USPL1: variants seen among roughly 807,000 people sequenced by gnomAD.
The protein encoded by USPL1 is ubiquitin specific peptidase like 1.
USPL1 carries 27 observed loss-of-function variants against 51.5 expected under a neutral mutation model. That is an observed-to-expected ratio of 0.52 (90% confidence interval 0.39 to 0.72). The LOEUF is 0.72. USPL1 is among the 30% of genes least tolerant of loss of function. USPL1 has a pLI of 0.00. For missense variants in USPL1, 1,226 were observed against 1,268.0 expected, an observed-to-expected ratio of 0.97 and a Z score of 0.50; for synonymous variants, 451 against 459.6, an observed-to-expected ratio of 0.98 and a Z score of 0.24.
chr13:30,623,634 T>C (rs74043522), intron 3 of USPL1, among the ~76,000 whole-genome samples: 2,867 of 152,274 alleles, frequency 0.019, 96 homozygotes, highest in African/African-American at 0.066. Context: ...CCGGGGTTCA[T>C]ACTATTGTGG....
chr13:30,652,845 T>G (rs1354289284), intron 7 of USPL1, among the ~76,000 whole-genome samples: 2 of 152,246 alleles, frequency 1.3e-5, no homozygotes, highest in Admixed American at 1.3e-4. Context: ...ACAATGGGAC[T>G]TTTAAGACAA....
intron 6 of USPL1, among the ~76,000 whole-genome samples, chr13:30,646,074 T>A (rs1951013921): frequency 6.6e-6 from 1 of 152,234 alleles, no homozygotes; most frequent in South Asian, 2.1e-4. Flanking sequence ...TTTAAAATGT[T>A]AACCTCCCTG....
In USPL1 at chr13:30,659,516, A is replaced by G. The variant is rs1951227549; in HGVS notation, c.*160A>G. On this transcript the variant is annotated 3_prime_UTR_variant, in exon 9 of 9. Coordinates refer to ENST00000255304, the MANE Select transcript of USPL1 (RefSeq NM_005800.5). ...CTTTGGTTCTGCCCATGAAGCATGTAATCTTTCTTACACATTAAAATCACT... is the reference window on the plus strand; with the variant it reads ...CTTTGGTTCTGCCCATGAAGCATGTGATCTTTCTTACACATTAAAATCACT... 3.2e-6 allele frequency: 2 copies of G among 618,912 alleles called. No individual in the cohort carries two copies. The highest frequency in any genetic ancestry group is 1.9e-5 in the African/African-American group (1 of 53,752). 38.3% of individuals were successfully genotyped at this position (618,912 alleles called of 1,614,324 possible). A position where few individuals can be genotyped will look rare whatever the true frequency, so the allele number is the denominator to read the frequency against.
At position 30,659,269 on chromosome 13, in the gene USPL1, GT is replaced by G. The variant is rs748852730; in HGVS notation, c.3199del (p.Ser1067ProfsTer5). ...SPMKTDIFDE[F>X]FSSSALNALA... ...CGATGAAGACTGATATTTTCGATGA[GT>G]TTTTTTCCTCCTCAGCATTAAATGC... On this transcript the variant is annotated frameshift_variant, in exon 9 of 9. Transcript: ENST00000255304. LOFTEE classifies it high-confidence loss of function. The G allele has an allele frequency of 2.5e-6, 4 of 1,614,078 alleles. No homozygotes were observed. The highest frequency in any genetic ancestry group is 3.4e-6 in the Non-Finnish European group (4 of 1,180,008).
chr13:30,624,728 C>T (rs1376213656), intron 3 of USPL1, among the ~76,000 whole-genome samples: 1 of 152,212 alleles, frequency 6.6e-6, no homozygotes, highest in Non-Finnish European at 1.5e-5. Context: ...AAACCACACC[C>T]TTGCACAAAG....
intron 3 of USPL1, among the ~76,000 whole-genome samples, chr13:30,629,602 C>A (rs1040282485): frequency 6.6e-6 from 1 of 152,192 alleles, no homozygotes; most frequent in Non-Finnish European, 1.5e-5. Context: ...ACATGGCTGG[C>A]AGTTGGTACT....
chr13:30,630,698 C>T, intron 3 of USPL1, 137 bp from the exon 4 acceptor site: 1 of 968,718 alleles, frequency 1.0e-6, no homozygotes, highest in Non-Finnish European at 1.4e-6. Flanking sequence ...CTAATTTTTT[C>T]AAATTTATGT....
At chr13:30,633,116 T>C (rs1010540255) in intron 4 of USPL1, among the ~76,000 whole-genome samples, 3 of 152,246 alleles carry the variant, frequency 2.0e-5, no homozygotes, top group Admixed American at 2.0e-4. Flanking sequence ...ATTGTAGTTG[T>C]ACTTTTCTTG....
At chr13:30,620,904 A>G (rs1411387602) in intron 1 of USPL1, among the ~76,000 whole-genome samples, 169 bp from the exon 2 acceptor site, 2 of 152,208 alleles carry the variant, frequency 1.3e-5, no homozygotes, top group Admixed American at 6.5e-5. Context: ...TGCTGGGTTT[A>G]TAAATATAGG....
intron 7 of USPL1, among the ~76,000 whole-genome samples, 194 bp from the exon 8 acceptor site, chr13:30,652,954 G>C (rs538186575): frequency 6.6e-6 from 1 of 152,288 alleles, no homozygotes; most frequent in South Asian, 2.1e-4. Context: ...ATTCTGAAAA[G>C]GGTTTAGTGT....
chr13:30,653,304 T>G lies in USPL1; in HGVS notation c.1395T>G (p.Asp465Glu), dbSNP rs758114395. 10 of 1,592,150 alleles carry G rather than the reference T, an allele frequency of 6.3e-6. No individual in the cohort carries two copies. The highest frequency in any genetic ancestry group is 8.6e-6 in the Non-Finnish European group (10 of 1,164,352). The change falls in exon 8 of 9, where the codon GAT becomes GAG. Residue 465 changes from aspartate to glutamate, a missense_variant and splice_region_variant. Asp to Glu is a conservative substitution (Grantham distance 45, BLOSUM62 2). Transcript: ENST00000255304. Reference protein sequence around the residue: ...NHFITWILDADGSWLECDDLK... With the variant: ...NHFITWILDAEGSWLECDDLK... ...TTATAACATGGATTTTAGATGCTGA[T>G]GGTAAGTGTTTAGAGGTTTTCTTTT...
In USPL1 at chr13:30,631,109, C is replaced by G. The variant is rs1361478269; in HGVS notation, c.503C>G (p.Ser168Cys). The G allele has an allele frequency of 6.2e-7, 1 of 1,614,138 alleles. No individual in the cohort carries two copies. The highest frequency in any genetic ancestry group is 1.7e-5 in the Admixed American group (1 of 60,026). The change falls in exon 4 of 9, where the codon TCC becomes TGC. Residue 168 changes from serine (S) to cysteine (C), a missense_variant. Transcript: ENST00000255304. ...CAGAATCCAATTAGGACAGCTGATT[C>G]CTTGGAGCGGAATGAGATTTTGGAA... is the stretch of plus-strand genomic sequence containing the variant. ...GQQNPIRTAD[S>C]LERNEILEAD...
chr13:30,633,818 A>G (rs997877154), intron 4 of USPL1, among the ~76,000 whole-genome samples: 14 of 151,748 alleles, frequency 9.2e-5, no homozygotes, highest in African/African-American at 3.4e-4. Context: ...AGTAAAGTAA[A>G]TGTGGCTCAA....
chr13:30,619,043 T>A (rs1950611984), intron 1 of USPL1, among the ~76,000 whole-genome samples: 1 of 152,086 alleles, frequency 6.6e-6, no homozygotes. Flanking sequence ...AAATAAAGAA[T>A]AGGGAACAAC....
At chr13:30,621,014 G>A (rs774999638) in intron 1 of USPL1, 59 bp from the exon 2 acceptor site, 115 of 726,178 alleles carry the variant, frequency 1.6e-4, no homozygotes, top group Non-Finnish European at 2.3e-4. Flanking sequence ...AAATAGCATG[G>A]TTCTTTTTTA....
chr13:30,625,706 AT>A (rs980624111), intron 3 of USPL1, among the ~76,000 whole-genome samples: 47 of 151,894 alleles, frequency 3.1e-4, no homozygotes, highest in African/African-American at 9.2e-4. Flanking sequence ...GCCTCCCAAA[AT>A]GCTGGGGTTA....
Position 30,629,359 on chromosome 13 carries a change from C to T in USPL1, c.229-1476C>T, listed in dbSNP as rs558748035. ...TCTCTACAGAAAATACCGTGGCAGG[C>T]GCCTTTAGCACCAGCTACTTGGGAG... is the stretch of plus-strand genomic sequence containing the variant. On this transcript the variant is annotated intron_variant, in intron 3 of 8. Transcript: ENST00000255304. Among the ~76,000 whole-genome samples, 517 of 152,142 alleles carry T rather than the reference C, an allele frequency of 3.4e-3. 2 individuals carry two copies. The highest frequency in any genetic ancestry group is 0.012 in the African/African-American group (496 of 41,520).
Position 30,631,301 on chromosome 13 carries a change from C to G in USPL1, c.695C>G (p.Ala232Gly). ...PQALCVQWKNAYALCWLDCIL... is the reference protein window; with the variant it reads ...PQALCVQWKNGYALCWLDCIL... ...GCTTTATGTGTCCAGTGGAAAAATG[C>G]TTATGCTCTCTGTTGGTTAGACTGT... is the stretch of plus-strand genomic sequence containing the variant. The change falls in exon 4 of 9, where the codon GCT becomes GGT. Residue 232 changes from alanine to glycine, a missense_variant. Coordinates refer to ENST00000255304, the MANE Select transcript of USPL1 (RefSeq NM_005800.5). The G allele has an allele frequency of 6.2e-7, 1 of 1,614,098 alleles. No individual in the cohort carries two copies. Among genetic ancestry groups the G allele is most frequent in the African/African-American group, 1.3e-5 (1 of 75,020 alleles).
At chr13:30,654,876 T>C (rs991697271) in intron 8 of USPL1, among the ~76,000 whole-genome samples, 5 of 152,150 alleles carry the variant, frequency 3.3e-5, no homozygotes, top group African/African-American at 7.2e-5. Flanking sequence ...ATGTCTGTTA[T>C]GTGACTAATG....
Sources: allele counts gnomAD v4.1 joint callset (sites outside exome capture counted in the v4.1 genomes callset), GRCh38; gene constraint gnomAD v4.1.1; transcripts MANE v1.5; gene names NCBI Gene and HGNC (gene_info 2026-07-23, HGNC 2026-07-21).